Variants in MDGA2 observed in about 807,000 individuals in gnomAD.
MDGA2 encodes the protein MAM domain containing glycosylphosphatidylinositol anchor 2.
In MDGA2, 40 loss-of-function variants were observed where a neutral mutation model predicts 117.8. The ratio of observed to expected loss-of-function variants is 0.34; its 90% CI spans 0.26 to 0.44. The LOEUF is 0.44. MDGA2 is among the 20% of genes least tolerant of loss of function. MDGA2 has a pLI of 1.00. For synonymous variants in MDGA2, 452 were observed against 439.0 expected, an observed-to-expected ratio of 1.03 and a Z score of -0.37; for missense variants, 1,123 against 1,250.6, an observed-to-expected ratio of 0.90 and a Z score of 1.54.
chr14:47,175,808 A>G (rs12437179), intron 3 of MDGA2, among the ~76,000 whole-genome samples: 49,545 of 138,044 alleles, frequency 0.36, 9,550 homozygotes, highest in African/African-American at 0.47. Context: ...AGGGCAATTA[A>G]GCAGGAGAAG....
chr14:46,880,168 T>TA (rs1314017287), intron 11 of MDGA2, among the ~76,000 whole-genome samples: 3 of 151,494 alleles, frequency 2.0e-5, no homozygotes, highest in Non-Finnish European at 2.9e-5. Flanking sequence ...CTACTAAACA[T>TA]ACAAACATTA....
intron 6 of MDGA2, among the ~76,000 whole-genome samples, chr14:47,087,401 C>G (rs1043783699): frequency 7.0e-6 from 1 of 143,194 alleles, no homozygotes; most frequent in Non-Finnish European, 1.5e-5. Flanking sequence ...CCTGTAATCC[C>G]AGCTACTCTG....
In MDGA2 at chr14:46,840,314, T is replaced by C. The variant is rs544631924; in HGVS notation, c.*1617A>G. 3.3e-5 allele frequency: 5 copies of C among 152,404 alleles called. No individual in the cohort carries two copies. Among genetic ancestry groups the C allele is most frequent in the Non-Finnish European group, 7.4e-5 (5 of 67,948 alleles). 9.4% of individuals were successfully genotyped at this position (152,404 alleles called of 1,614,324 possible). On this transcript the variant is annotated 3_prime_UTR_variant, in exon 17 of 17. Transcript: ENST00000399232. The stretch of plus-strand genomic sequence containing the variant: ...ATCAGTTTTTTTAATCCTGGGGTGT[T>C]GAAAGAACATATAATAATAATATTC...
intron 9 of MDGA2, among the ~76,000 whole-genome samples, chr14:46,941,585 C>T (rs886114127): frequency 1.3e-5 from 2 of 152,120 alleles, no homozygotes; most frequent in African/African-American, 2.4e-5. Context: ...GCTTTGATTC[C>T]ACTGAACTAA....
At chr14:47,014,911 T>C (rs1394675453) in intron 8 of MDGA2, among the ~76,000 whole-genome samples, 1 of 152,220 alleles carries the variant, frequency 6.6e-6, no homozygotes, top group Non-Finnish European at 1.5e-5. Context: ...GCTTTCACCC[T>C]CTCAGCTTTT....
At chr14:47,103,475 T>A (rs934815225) in intron 5 of MDGA2, among the ~76,000 whole-genome samples, 19 of 152,236 alleles carry the variant, frequency 1.2e-4, no homozygotes, top group Non-Finnish European at 2.5e-4. Flanking sequence ...ATTGATTGAC[T>A]CTCATGAAGC....
At chr14:47,581,399 A>T (rs1896225348) in intron 1 of MDGA2, among the ~76,000 whole-genome samples, 1 of 152,050 alleles carries the variant, frequency 6.6e-6, no homozygotes, top group Admixed American at 6.6e-5. Context: ...GGAATTGTGA[A>T]CAATCAAGTT....
At chr14:47,089,636 G>A (rs1188784014) in intron 6 of MDGA2, among the ~76,000 whole-genome samples, 1 of 151,856 alleles carries the variant, frequency 6.6e-6, no homozygotes, top group Non-Finnish European at 1.5e-5. Context: ...AAGTTCTAAG[G>A]TACATGTGCA....
At chr14:47,330,205 T>C (rs542523143) in intron 1 of MDGA2, among the ~76,000 whole-genome samples, 1 of 151,976 alleles carries the variant, frequency 6.6e-6, no homozygotes, top group Non-Finnish European at 1.5e-5. Context: ...TTTTAATTTA[T>C]ATCAGGTATT....
chr14:47,107,940 A>G (rs1193091481), intron 5 of MDGA2, among the ~76,000 whole-genome samples: 1 of 151,158 alleles, frequency 6.6e-6, no homozygotes, highest in Non-Finnish European at 1.5e-5. Flanking sequence ...TGTCAGACAT[A>G]ATTCCTCAGT....
intron 5 of MDGA2, among the ~76,000 whole-genome samples, chr14:47,127,513 T>C (rs1403287915): frequency 6.6e-6 from 1 of 152,148 alleles, no homozygotes; most frequent in Non-Finnish European, 1.5e-5. Flanking sequence ...GCATATGACA[T>C]GTCTGATTAC....
intron 1 of MDGA2, among the ~76,000 whole-genome samples, chr14:47,473,295 A>G (rs919328115): frequency 1.3e-5 from 2 of 152,196 alleles, no homozygotes; most frequent in Admixed American, 1.3e-4. Flanking sequence ...TCCAAGTCAC[A>G]GAGTATGACA....
At chr14:46,924,934 T>C (rs1451336514) in intron 9 of MDGA2, among the ~76,000 whole-genome samples, 2 of 152,190 alleles carry the variant, frequency 1.3e-5, no homozygotes, top group African/African-American at 4.8e-5. Flanking sequence ...CATTGGGAGA[T>C]GGATTTTCAG....
At chr14:47,295,273 A>G (rs1199594968) in intron 2 of MDGA2, among the ~76,000 whole-genome samples, 1 of 152,172 alleles carries the variant, frequency 6.6e-6, no homozygotes, top group Non-Finnish European at 1.5e-5. Context: ...CAACCTTGCA[A>G]ACAGGCATAC....
At chr14:46,938,931 A>T (rs2138574688) in intron 9 of MDGA2, among the ~76,000 whole-genome samples, 1 of 152,370 alleles carries the variant, frequency 6.6e-6, no homozygotes, top group African/African-American at 2.4e-5. Context: ...CTATTTGGCC[A>T]TAAAAAAGTA....
chr14:47,519,248 TTAAAA>T (rs1339999668), intron 1 of MDGA2, among the ~76,000 whole-genome samples: 1 of 152,126 alleles, frequency 6.6e-6, no homozygotes, highest in Non-Finnish European at 1.5e-5. Context: ...ACACTACCAA[TTAAAA>T]TATTTTTATT....
chr14:47,653,182 A>C (rs1897676688), intron 1 of MDGA2, among the ~76,000 whole-genome samples: 1 of 152,154 alleles, frequency 6.6e-6, no homozygotes, highest in South Asian at 2.1e-4. Context: ...TAGAAAAATC[A>C]ATTTTCTATG....
intron 1 of MDGA2, among the ~76,000 whole-genome samples, chr14:47,634,372 T>A (rs1036871951): frequency 6.6e-6 from 1 of 152,064 alleles, no homozygotes; most frequent in African/African-American, 2.4e-5. Flanking sequence ...TATAATCATA[T>A]CAAGAAGTAG....
At chr14:47,397,638 T>C (rs775851411) in intron 1 of MDGA2, among the ~76,000 whole-genome samples, 3 of 152,166 alleles carry the variant, frequency 2.0e-5, no homozygotes, top group Non-Finnish European at 2.9e-5. Flanking sequence ...TATAGATCAA[T>C]AGATAAGTAT....
Sources: gnomAD v4.1 joint callset for allele counts (sites outside exome capture counted in the v4.1 genomes callset) on GRCh38, gnomAD v4.1.1 for gene constraint, MANE v1.5 for transcripts, NCBI Gene and HGNC (gene_info 2026-07-23, HGNC 2026-07-21) for gene names.